The following LRRFIP1 variants were observed in gnomAD, a reference collection of about 807,000 sequenced individuals.
The protein encoded by LRRFIP1 is LRR binding FLII interacting protein 1.
In LRRFIP1, 62 loss-of-function variants were observed where a neutral mutation model predicts 104.4. The ratio of observed to expected loss-of-function variants is 0.59; its 90% confidence interval spans 0.48 to 0.73. The LOEUF is 0.73. LRRFIP1 is among the 30% of genes least tolerant of loss of function. The pLI is 0.00. For synonymous variants in LRRFIP1, 300 were observed against 299.0 expected, an observed-to-expected ratio of 1.00 and a Z score of -0.03; for missense variants, 796 against 824.5, an observed-to-expected ratio of 0.97 and a Z score of 0.42.
chr2:237,712,377 C>T (rs886348315), intron 2 of LRRFIP1, among the ~76,000 whole-genome samples: 1 of 152,060 alleles, frequency 6.6e-6, no homozygotes, highest in Admixed American at 6.6e-5. Context: ...GACGCTGGCA[C>T]GCACAGCAAA....
chr2:237,686,699 C>G (rs964857676), intron 1 of LRRFIP1, among the ~76,000 whole-genome samples: 1 of 152,260 alleles, frequency 6.6e-6, no homozygotes, highest in African/African-American at 2.4e-5. Flanking sequence ...GTTGTGGATG[C>G]TGGAGACAAG....
At chr2:237,777,978 T>C (rs1225971183) in intron 23 of LRRFIP1, among the ~76,000 whole-genome samples, 5 of 152,238 alleles carry the variant, frequency 3.3e-5, no homozygotes, top group Admixed American at 3.3e-4. Context: ...TGATAGTTTC[T>C]TGCTGCATGT....
chr2:237,708,790 A>G (rs2093940380), intron 2 of LRRFIP1, 160 bp downstream of exon 2: 2 of 812,322 alleles, frequency 2.5e-6, no homozygotes, highest in Middle Eastern at 2.2e-4. Context: ...AGGTCAGGCC[A>G]GGAGTGCGCA....
At position 237,766,725 on chromosome 2, in the gene LRRFIP1, A is replaced by C. The variant is rs2060270668; in HGVS notation, c.1460-3218A>C. Among the ~76,000 whole-genome samples, 1 of 152,238 alleles carries C rather than the reference A, an allele frequency of 6.6e-6. No homozygotes were observed. The highest frequency in any genetic ancestry group is 1.5e-5 in the Non-Finnish European group (1 of 68,042). ...GGACAGCTGAAAATCCATGAGCAAG[A>C]AAGAAGGAAAAAGAAAGAGTTCTGA... On this transcript the variant is annotated intron_variant, in intron 19 of 23. Transcript: ENST00000308482. The surrounding 1 kb of genome is among the most constrained non-coding windows in gnomAD (Gnocchi z 4.8).
At chr2:237,670,541 C>T (rs1241144445) in intron 1 of LRRFIP1, among the ~76,000 whole-genome samples, 1 of 152,256 alleles carries the variant, frequency 6.6e-6, no homozygotes, top group African/African-American at 2.4e-5. Flanking sequence ...GCCTCAGTTT[C>T]CACATTGGTG....
intron 4 of LRRFIP1, 104 bp from the exon 5 acceptor site, chr2:237,719,419 A>G: frequency 1.4e-6 from 1 of 701,446 alleles, no homozygotes; most frequent in Non-Finnish European, 2.5e-6. Context: ...CATTTAGATC[A>G]GAACTGCTGT....
At chr2:237,654,750 C>G (rs1224555872) in intron 1 of LRRFIP1, among the ~76,000 whole-genome samples, 1 of 152,110 alleles carries the variant, frequency 6.6e-6, no homozygotes, top group Non-Finnish European at 1.5e-5. Flanking sequence ...GGGTTTTCAC[C>G]ATGTTGGCCA....
chr2:237,642,878 G>C (rs1468651403), intron 1 of LRRFIP1, among the ~76,000 whole-genome samples: 2 of 152,194 alleles, frequency 1.3e-5, no homozygotes, highest in Non-Finnish European at 2.9e-5. Context: ...CAGGTTGCAG[G>C]GTCTGGACTC....
chr2:237,704,880 A>G (rs983551333), intron 1 of LRRFIP1, among the ~76,000 whole-genome samples: 1 of 152,122 alleles, frequency 6.6e-6, no homozygotes, highest in Non-Finnish European at 1.5e-5. Flanking sequence ...GGGTTCCTTT[A>G]TCAGCCCAAG....
intron 1 of LRRFIP1, among the ~76,000 whole-genome samples, chr2:237,641,953 T>C (rs968826265): frequency 1.3e-5 from 2 of 152,136 alleles, no homozygotes; most frequent in African/African-American, 4.8e-5. Flanking sequence ...TTTCTGTTGG[T>C]GTGAAGTTTT....
At chr2:237,724,439 T>C (rs1373041227) in intron 7 of LRRFIP1, among the ~76,000 whole-genome samples, 3 of 152,242 alleles carry the variant, frequency 2.0e-5, no homozygotes, top group Admixed American at 6.5e-5. Flanking sequence ...ATAGCATATT[T>C]GGTGCCCTGA....
chr2:237,648,370 TA>T (rs1362407274), intron 1 of LRRFIP1, among the ~76,000 whole-genome samples: 2 of 151,984 alleles, frequency 1.3e-5, no homozygotes, highest in Non-Finnish European at 2.9e-5. Context: ...TTGCTGAAAT[TA>T]TGTGGCACAC....
Position 237,711,372 on chromosome 2 carries a change from C to G in LRRFIP1, c.183+2742C>G, listed in dbSNP as rs1042969029. Among the ~76,000 whole-genome samples the G allele has an allele frequency of 1.4e-4, 21 of 152,232 alleles. No individual in the cohort carries two copies. The highest frequency in any genetic ancestry group is 4.8e-4 in the African/African-American group (20 of 41,464). On this transcript the variant is annotated intron_variant, in intron 2 of 23. Coordinates refer to ENST00000308482, the MANE Select transcript of LRRFIP1 (RefSeq NM_001137550.2). This position sits in a 1 kb window ranked among gnomAD's most constrained non-coding sequence, Gnocchi z 4.4. ...AAGATATTTCAGGGGTCACAGGGGT[C>G]AAGATATCTCGCCCTGTTGCAAATT...
At chr2:237,749,435 C>T in intron 13 of LRRFIP1, 111 bp downstream of exon 13, 1 of 1,285,680 alleles carries the variant, frequency 7.8e-7, no homozygotes, top group South Asian at 1.3e-5. Flanking sequence ...TCTTCTTGGT[C>T]CTCTCTCCCT....
At chr2:237,702,754 C>G (rs968597270) in intron 1 of LRRFIP1, among the ~76,000 whole-genome samples, 1 of 152,254 alleles carries the variant, frequency 6.6e-6, no homozygotes, top group African/African-American at 2.4e-5. Context: ...TTATCTTGAA[C>G]GACTCCACAT....
In LRRFIP1 at chr2:237,735,993, C is replaced by T. The variant is rs1408810476; in HGVS notation, c.555+660C>T. Among the ~76,000 whole-genome samples the T allele has an allele frequency of 3.3e-5, 5 of 152,144 alleles. No individual in the cohort carries two copies. Among genetic ancestry groups the T allele is most frequent in the African/African-American group, 9.7e-5 (4 of 41,422 alleles). On this transcript the variant is annotated intron_variant, in intron 10 of 23. Coordinates refer to ENST00000308482, the MANE Select transcript of LRRFIP1 (RefSeq NM_001137550.2). This position sits in a 1 kb window ranked among gnomAD's most constrained non-coding sequence, Gnocchi z 4.6. ...GGTGGATCTCCTGTATTCAGAGGCT[C>T]CTCCCCAATCCTATAAAAATGTCTT...
intron 17 of LRRFIP1, among the ~76,000 whole-genome samples, 169 bp from the exon 18 acceptor site, chr2:237,758,560 G>T (rs1037911841): frequency 1.3e-5 from 2 of 152,202 alleles, no homozygotes. Context: ...TATACTAAGC[G>T]AAAAGCTTAA....
rs562417737 is a variant in LRRFIP1, at chr2:237,678,518, T to C, written c.97-30026T>C. Reference sequence around the variant, plus strand: ...TTATCCTGAAACTATTTTTTTTTCTTTTTTTGAGACAGAGTCTCACTCTGT... The same window carrying C: ...TTATCCTGAAACTATTTTTTTTTCTCTTTTTGAGACAGAGTCTCACTCTGT... On this transcript the variant is annotated intron_variant, in intron 1 of 23. Coordinates refer to ENST00000308482, the MANE Select transcript of LRRFIP1 (RefSeq NM_001137550.2). 2.6e-5 allele frequency among the ~76,000 whole-genome samples: 4 copies of C among 152,216 alleles called. No homozygotes were observed. The South Asian group carries it at 8.3e-4, about 32-fold the overall frequency.
intron 7 of LRRFIP1, among the ~76,000 whole-genome samples, chr2:237,724,166 C>A (rs903319400): frequency 6.6e-6 from 1 of 151,298 alleles, no homozygotes; most frequent in South Asian, 2.1e-4. Context: ...CTGACAGTTT[C>A]TGTGCCTTAT....
Sources: allele counts gnomAD v4.1 joint callset (sites outside exome capture counted in the v4.1 genomes callset), GRCh38; gene constraint gnomAD v4.1.1; non-coding constraint Gnocchi (gnomAD v3.1); transcripts MANE v1.5; gene names NCBI Gene and HGNC (gene_info 2026-07-23, HGNC 2026-07-21).